R3HDM2: variants seen among roughly 807,000 people sequenced by gnomAD.
R3HDM2 encodes the protein R3H domain containing 2.
Under a neutral mutation model 124.5 loss-of-function variants are expected in R3HDM2, and 38 were observed. That is an observed-to-expected ratio of 0.31 (90% CI 0.24 to 0.40). The LOEUF (loss-of-function observed/expected upper bound fraction) is 0.40, where lower values mean the gene tolerates loss of function less well. R3HDM2 is among the 10% of genes least tolerant of loss of function. The pLI, the probability that R3HDM2 is intolerant of heterozygous loss-of-function variation, is 1.00. For missense variants in R3HDM2, 869 were observed against 1,236.9 expected (o/e 0.70, Z 4.46); for synonymous variants, 391 against 448.0 (o/e 0.87, Z 1.61).
intron 1 of R3HDM2, among the ~76,000 whole-genome samples, chr12:57,429,457 G>A (rs551455520): frequency 5.3e-5 from 8 of 152,180 alleles, no homozygotes; most frequent in South Asian, 2.1e-4. Flanking sequence ...CTTTCCCGGC[G>A]CGGTGGCTCA....
intron 2 of R3HDM2, among the ~76,000 whole-genome samples, chr12:57,351,496 T>C (rs796895789): frequency 6.6e-6 from 1 of 152,232 alleles, no homozygotes; most frequent in Non-Finnish European, 1.5e-5. Flanking sequence ...TTCTATAGCA[T>C]GTAGCAGATG....
intron 2 of R3HDM2, among the ~76,000 whole-genome samples, chr12:57,338,672 C>G (rs978367243): frequency 2.0e-5 from 3 of 152,094 alleles, no homozygotes; most frequent in South Asian, 4.1e-4. Flanking sequence ...GCTGGGCTTA[C>G]AAGTGTGAGC....
chr12:57,371,516 C>T (rs2063384703), intron 2 of R3HDM2, among the ~76,000 whole-genome samples: 1 of 152,060 alleles, frequency 6.6e-6, no homozygotes, highest in Non-Finnish European at 1.5e-5. Context: ...AGAAGAAATA[C>T]TCCCAAACAA....
At chr12:57,344,232 T>C (rs2059881241) in intron 2 of R3HDM2, among the ~76,000 whole-genome samples, 1 of 152,198 alleles carries the variant, frequency 6.6e-6, no homozygotes, top group Admixed American at 6.5e-5. Flanking sequence ...GTAGGTGATA[T>C]ACATGCAAGG....
In R3HDM2 at chr12:57,370,964, A is replaced by C. The variant is rs76599305; in HGVS notation, c.-36+24785T>G. Among the ~76,000 whole-genome samples the C allele has an allele frequency of 5.1e-3, 769 of 152,186 alleles. 5 individuals carry two copies. The highest frequency in any genetic ancestry group is 0.018 in the African/African-American group (732 of 41,528). Reference sequence around the variant, plus strand: ...AGAAATCACTGAGCAGTGATATGCCAGTTTCTGGGCCAGTAGAACTGATTA... The same window carrying C: ...AGAAATCACTGAGCAGTGATATGCCCGTTTCTGGGCCAGTAGAACTGATTA... On this transcript the variant is annotated intron_variant, in intron 2 of 23. Transcript: ENST00000402412.
chr12:57,350,600 TC>T (rs1452503447), intron 2 of R3HDM2, among the ~76,000 whole-genome samples: 3 of 152,002 alleles, frequency 2.0e-5, no homozygotes, highest in Non-Finnish European at 4.4e-5. Context: ...ACCACTGCAC[TC>T]CAGATGGGGC....
At position 57,420,782 on chromosome 12, in the gene R3HDM2, C is replaced by T. The variant is rs147790813; in HGVS notation, c.-106+9938G>A. On this transcript the variant is annotated intron_variant, in intron 1 of 23. Coordinates refer to ENST00000402412, the MANE Select transcript of R3HDM2 (RefSeq NM_001394031.1). ...TCAGCCTGCAGCTCTTCAGTCTCAA[C>T]ATGCCTCTTAGCTGACCCAAACCAT... Among the ~76,000 whole-genome samples the T allele has an allele frequency of 1.3e-3, 196 of 152,204 alleles. 2 individuals are homozygous for T. Among genetic ancestry groups the T allele is most frequent in the African/African-American group, 4.5e-3 (186 of 41,546 alleles).
In R3HDM2 at chr12:57,272,323, A is replaced by G; in HGVS notation, c.1345-2329T>C. Reference sequence around the variant, plus strand: ...TAGTTCAGCCTGTGCTGGTCCCTCAAGAAGAAATAGCTTTCAATATGCCCT... The same window carrying G: ...TAGTTCAGCCTGTGCTGGTCCCTCAGGAAGAAATAGCTTTCAATATGCCCT... On this transcript the variant is annotated intron_variant, in intron 14 of 23. Transcript: ENST00000402412. 3 of 777,296 alleles carry G rather than the reference A, an allele frequency of 3.9e-6. No homozygotes were observed. In the South Asian group the frequency reaches 4.7e-5, roughly 12 times the overall value. 48.1% of individuals were successfully genotyped at this position (777,296 alleles called of 1,614,324 possible).
At chr12:57,371,083 CTTTTTTTTTTTTTTTTTTT>C (rs775839017) in intron 2 of R3HDM2, among the ~76,000 whole-genome samples, 1 of 40,886 alleles carries the variant, frequency 2.4e-5, no homozygotes, top group African/African-American at 8.6e-5. Flanking sequence ...TATACCATTA[CTTTTTTTTTTTTTTTTTTT>C]TTTTTTTTTT....
At chr12:57,295,665 C>A in intron 9 of R3HDM2, 158 bp from the exon 10 acceptor site, 1 of 606,420 alleles carries the variant, frequency 1.6e-6, no homozygotes, top group South Asian at 2.0e-5. Flanking sequence ...TTAATGAAAT[C>A]TTCAGGGTCT....
intron 2 of R3HDM2, among the ~76,000 whole-genome samples, chr12:57,369,843 T>C (rs567408510): frequency 1.1e-4 from 16 of 152,098 alleles, no homozygotes; most frequent in Non-Finnish European, 1.9e-4. Flanking sequence ...TTCAAAGTAA[T>C]AAAAGAAAAA....
chr12:57,334,452 G>C (rs1005334642), intron 2 of R3HDM2, among the ~76,000 whole-genome samples: 1 of 151,646 alleles, frequency 6.6e-6, no homozygotes, highest in African/African-American at 2.4e-5. Context: ...CTATCACTAA[G>C]AGCCTCAAGA....
chr12:57,270,503 C>T (rs2043362871), intron 14 of R3HDM2, among the ~76,000 whole-genome samples: 2 of 152,074 alleles, frequency 1.3e-5, no homozygotes. Context: ...AGTCTCGGCT[C>T]ACTGCAACCT....
intron 2 of R3HDM2, among the ~76,000 whole-genome samples, chr12:57,340,017 C>T (rs910519774): frequency 6.6e-6 from 1 of 152,018 alleles, no homozygotes; most frequent in Non-Finnish European, 1.5e-5. Context: ...TTTCTTTTTC[C>T]TTGACCTCTT....
intron 2 of R3HDM2, among the ~76,000 whole-genome samples, chr12:57,346,762 A>T (rs1373054396): frequency 6.6e-6 from 1 of 152,220 alleles, no homozygotes; most frequent in African/African-American, 2.4e-5. Flanking sequence ...ATAATAGACT[A>T]TTCTCCTATT....
At chr12:57,428,678 T>C (rs1180604260) in intron 1 of R3HDM2, among the ~76,000 whole-genome samples, 1 of 152,096 alleles carries the variant, frequency 6.6e-6, no homozygotes, top group Non-Finnish European at 1.5e-5. Flanking sequence ...AACATTGGTT[T>C]TTATTTTGAA....
At chr12:57,270,837 G>C (rs943702864) in intron 14 of R3HDM2, among the ~76,000 whole-genome samples, 9 of 152,160 alleles carry the variant, frequency 5.9e-5, no homozygotes, top group African/African-American at 2.2e-4. Context: ...CCAAAGTGCT[G>C]GGATTACAGG....
At chr12:57,426,145 T>C (rs2070722379) in intron 1 of R3HDM2, among the ~76,000 whole-genome samples, 1 of 152,080 alleles carries the variant, frequency 6.6e-6, no homozygotes, top group Non-Finnish European at 1.5e-5. Flanking sequence ...GGAGAATCCC[T>C]TGAATCCAGG....
intron 2 of R3HDM2, among the ~76,000 whole-genome samples, chr12:57,343,530 A>C (rs1024867194): frequency 6.6e-6 from 1 of 151,922 alleles, no homozygotes; most frequent in Non-Finnish European, 1.5e-5. Flanking sequence ...GATAGTAATA[A>C]TCTCTATTGC....
Sources: gnomAD v4.1 joint callset for allele counts (sites outside exome capture counted in the v4.1 genomes callset) on GRCh38, gnomAD v4.1.1 for gene constraint, MANE v1.5 for transcripts, NCBI Gene and HGNC (gene_info 2026-07-23, HGNC 2026-07-21) for gene names.